DAW1: variants seen among roughly 807,000 people sequenced by gnomAD.
The protein encoded by DAW1 is dynein assembly factor with WD repeats 1, also known as dynein assembly factor with WD repeat domains 1.
Under a neutral mutation model 56.5 loss-of-function variants are expected in DAW1, and 47 were observed. That is an observed-to-expected ratio of 0.83 (90% CI 0.66 to 1.06). The LOEUF (loss-of-function observed/expected upper bound fraction) is 1.06, where lower values mean the gene tolerates loss of function less well. DAW1 is among the 50% of genes least tolerant of loss of function. The probability of loss-of-function intolerance (pLI) is 0.00; values close to 1 mark genes in which losing one functional copy is unlikely to be tolerated. For synonymous variants in DAW1, 190 were observed against 179.0 expected (o/e 1.06, Z -0.49); for missense variants, 505 against 499.3 (o/e 1.01, Z -0.11).
At chr2:227,911,267 C>CATAT (rs1559312581) in intron 10 of DAW1, among the ~76,000 whole-genome samples, 1 of 132,808 alleles carries the variant, frequency 7.5e-6, no homozygotes, top group African/African-American at 2.7e-5. Flanking sequence ...CGTGTATATA[C>CATAT]ACATATACAC....
chr2:227,919,413 A>C (rs1209804463), intron 11 of DAW1, among the ~76,000 whole-genome samples: 1 of 152,158 alleles, frequency 6.6e-6, no homozygotes, highest in Non-Finnish European at 1.5e-5. Flanking sequence ...CTCCACTGTC[A>C]GCAAAAGATT....
intron 10 of DAW1, among the ~76,000 whole-genome samples, chr2:227,910,511 C>CACACACACACACACACACA (rs1691789677): frequency 6.6e-6 from 1 of 151,620 alleles, no homozygotes. Flanking sequence ...CACACACACA[C>CACACACACACACACACACA]ACACACACAC....
Position 227,924,039 on chromosome 2 carries a change from GCT to G in DAW1, c.*76_*77del, listed in dbSNP as rs1692169705. 1 of 1,550,280 alleles carries G rather than the reference GCT, an allele frequency of 6.5e-7. No homozygotes were observed. Among genetic ancestry groups the G allele is most frequent in the African/African-American group, 1.4e-5 (1 of 72,934 alleles). ...AAGAACTGGAACTTCACAGACAGCA[GCT>G]CTCTTAATATTTCTTATACTTTCTC... On this transcript the variant is annotated 3_prime_UTR_variant, in exon 13 of 13. Coordinates refer to ENST00000309931, the MANE Select transcript of DAW1 (RefSeq NM_178821.3).
intron 10 of DAW1, among the ~76,000 whole-genome samples, chr2:227,912,971 T>C (rs988496793): frequency 4.6e-5 from 7 of 152,308 alleles, no homozygotes; most frequent in Non-Finnish European, 5.9e-5. Context: ...TGTACAATAT[T>C]ATCACTGCTT....
At chr2:227,912,538 G>A in intron 10 of DAW1, 1 of 1,254,578 alleles carries the variant, frequency 8.0e-7, no homozygotes, top group Non-Finnish European at 1.0e-6. Context: ...TAGTATGTCT[G>A]TTTCATATCA....
At chr2:227,893,260 A>T (rs1559306144) in intron 4 of DAW1, among the ~76,000 whole-genome samples, 2 of 130,424 alleles carry the variant, frequency 1.5e-5, no homozygotes, top group African/African-American at 5.9e-5. Context: ...ACAGAGCAAG[A>T]CTCTGTCTCG....
intron 6 of DAW1, among the ~76,000 whole-genome samples, chr2:227,901,500 G>A (rs1319156336): frequency 6.6e-6 from 1 of 152,088 alleles, no homozygotes; most frequent in Non-Finnish European, 1.5e-5. Context: ...AATTGAAATT[G>A]CCCAGAGGAA....
intron 1 of DAW1, among the ~76,000 whole-genome samples, chr2:227,879,362 TTGTC>T (rs1407332391): frequency 4.6e-5 from 7 of 152,180 alleles, no homozygotes; most frequent in African/African-American, 9.6e-5. Context: ...TTATTGATCA[TTGTC>T]TGTCTTTGTA....
chr2:227,902,803 T>G (rs915542698), intron 6 of DAW1, among the ~76,000 whole-genome samples, 199 bp from the exon 7 acceptor site: 5 of 152,066 alleles, frequency 3.3e-5, no homozygotes, highest in African/African-American at 4.8e-5. Flanking sequence ...CTGGGTGCTG[T>G]GGGAGAACAA....
intron 10 of DAW1, among the ~76,000 whole-genome samples, chr2:227,908,142 A>G (rs1191299733): frequency 1.3e-5 from 2 of 152,190 alleles, no homozygotes; most frequent in East Asian, 3.9e-4. Context: ...TGTTGCTCAC[A>G]TGTGACATGA....
chr2:227,899,016 T>C (rs2106200795), intron 6 of DAW1, among the ~76,000 whole-genome samples: 1 of 152,304 alleles, frequency 6.6e-6, no homozygotes, highest in Non-Finnish European at 1.5e-5. Flanking sequence ...CAAATTTGCC[T>C]AAATAGTCTG....
chr2:227,898,385 A>G (rs1691462461), intron 6 of DAW1, 104 bp downstream of exon 6: 15 of 507,370 alleles, frequency 3.0e-5, no homozygotes, highest in Non-Finnish European at 1.4e-5. Context: ...CAGTGGCACA[A>G]TCTTGGCTCA....
intron 1 of DAW1, 26 bp from the exon 2 acceptor site, chr2:227,885,325 T>C: frequency 6.6e-7 from 1 of 1,512,712 alleles, no homozygotes; most frequent in Non-Finnish European, 8.9e-7. Context: ...GTAAGTGTTT[T>C]ATAACATGTT....
rs540714291 is a variant in DAW1, at chr2:227,905,904, A to G, written c.756-332A>G. ...CGATTAGCAGGGACTACAGGCGCCCACCACCACGCCTGGCTAATTTTTTGT... is the reference window on the plus strand; with the variant it reads ...CGATTAGCAGGGACTACAGGCGCCCGCCACCACGCCTGGCTAATTTTTTGT... On this transcript the variant is annotated intron_variant, in intron 8 of 12. Coordinates refer to ENST00000309931, the MANE Select transcript of DAW1 (RefSeq NM_178821.3). Among the ~76,000 whole-genome samples, 3 of 152,172 alleles carry G rather than the reference A, an allele frequency of 2.0e-5. 1 individual carries two copies. Among genetic ancestry groups the G allele is most frequent in the Admixed American group, 1.3e-4 (2 of 15,290 alleles).
intron 2 of DAW1, chr2:227,889,636 T>G (rs1691210995): frequency 2.7e-6 from 1 of 367,728 alleles, no homozygotes. Context: ...GAAAAATATG[T>G]TGTAGAAAAT....
intron 4 of DAW1, among the ~76,000 whole-genome samples, chr2:227,892,028 C>T (rs1371016516): frequency 6.6e-6 from 1 of 152,124 alleles, no homozygotes; most frequent in African/African-American, 2.4e-5. Flanking sequence ...CTGCCCTCAT[C>T]TTCACATGGT....
Position 227,906,284 on chromosome 2 carries a change from A to C in DAW1, c.804A>C (p.Ser268=). The change falls in exon 9 of 13, where the codon TCA becomes TCC. Residue 268 remains serine, a synonymous_variant. Coordinates refer to ENST00000309931, the MANE Select transcript of DAW1 (RefSeq NM_178821.3). ...ATTGTGCTGAGATTAGCAGTGCCTCATTCAATTGGGATTGCTCTCTAATAT... is the reference window on the plus strand; with the variant it reads ...ATTGTGCTGAGATTAGCAGTGCCTCCTTCAATTGGGATTGCTCTCTAATAT... ...IGHCAEISSA[S]FNWDCSLILT... 4.3e-6 allele frequency: 7 copies of C among 1,613,742 alleles called. No individual in the cohort carries two copies. The highest frequency in any genetic ancestry group is 5.9e-6 in the Non-Finnish European group (7 of 1,179,740).
At chr2:227,910,495 A>AACACAC (rs55741229) in intron 10 of DAW1, among the ~76,000 whole-genome samples, 13,385 of 145,206 alleles carry the variant, frequency 0.092, 643 homozygotes, top group Middle Eastern at 0.11. Context: ...TTTGTGGATG[A>AACACAC]ACACACACAC....
At chr2:227,883,780 T>G (rs1272501421) in intron 1 of DAW1, among the ~76,000 whole-genome samples, 1 of 152,224 alleles carries the variant, frequency 6.6e-6, no homozygotes, top group Admixed American at 6.5e-5. Flanking sequence ...CTCTTCTTAC[T>G]CTTTTTAGGG....
Sources: gnomAD v4.1 joint callset for allele counts (sites outside exome capture counted in the v4.1 genomes callset) on GRCh38, gnomAD v4.1.1 for gene constraint, MANE v1.5 for transcripts, NCBI Gene and HGNC (gene_info 2026-07-23, HGNC 2026-07-21) for gene names.